Variants in SYT1 observed in about 807,000 individuals in gnomAD.
SYT1 encodes synaptotagmin-1.
A neutral mutation model predicts 44.8 loss-of-function variants in SYT1; 8 were observed. The observed-to-expected ratio is 0.18, with a 90% CI of 0.10 to 0.32. The LOEUF is 0.32. Ranked by LOEUF, SYT1 falls within the 10% of genes least tolerant of loss-of-function variation. The probability of loss-of-function intolerance (pLI) is 1.00; values close to 1 mark genes in which losing one functional copy is unlikely to be tolerated. For missense variants in SYT1, 286 were observed against 509.3 expected (o/e 0.56, Z 4.22); for synonymous variants, 154 against 188.8 (o/e 0.82, Z 1.51).
intron 9 of SYT1, among the ~76,000 whole-genome samples, chr12:79,405,526 G>A (rs1405495): frequency 0.14 from 20,775 of 152,084 alleles, 1,861 homozygotes; most frequent in Middle Eastern, 0.34. Flanking sequence ...TTATACTGAA[G>A]TTTGACAAAT....
At chr12:78,981,099 T>TTTG (rs1869219168) in intron 2 of SYT1, among the ~76,000 whole-genome samples, 2 of 151,844 alleles carry the variant, frequency 1.3e-5, no homozygotes, top group African/African-American at 4.8e-5. Context: ...TTTTGTGTTT[T>TTTG]TTGTTGTTGT....
intron 3 of SYT1, among the ~76,000 whole-genome samples, chr12:79,120,349 C>A (rs948900722): frequency 6.6e-6 from 1 of 152,054 alleles, no homozygotes; most frequent in Non-Finnish European, 1.5e-5. Flanking sequence ...GCACTAGGCT[C>A]ACTACCTAGG....
At chr12:79,345,490 G>A (rs58675399) in intron 8 of SYT1, among the ~76,000 whole-genome samples, 3,378 of 152,230 alleles carry the variant, frequency 0.022, 125 homozygotes, top group African/African-American at 0.072. Context: ...AATAAGAAAT[G>A]AACGAATATA....
chr12:78,886,772 T>A (rs779745303), intron 1 of SYT1, among the ~76,000 whole-genome samples: 1 of 152,020 alleles, frequency 6.6e-6, no homozygotes, highest in Non-Finnish European at 1.5e-5. Context: ...GAAAAGTGTA[T>A]GATAGTGCGT....
chr12:79,136,106 T>C (rs992357766), intron 3 of SYT1, among the ~76,000 whole-genome samples: 1 of 152,236 alleles, frequency 6.6e-6, no homozygotes, highest in Non-Finnish European at 1.5e-5. Flanking sequence ...GAATAAATCG[T>C]GGATTTTTAG....
intron 4 of SYT1, among the ~76,000 whole-genome samples, chr12:79,258,332 G>A (rs1201366819): frequency 6.6e-6 from 1 of 152,180 alleles, no homozygotes; most frequent in Non-Finnish European, 1.5e-5. Context: ...AGGAAAGAGA[G>A]TACCAATTAG....
intron 9 of SYT1, among the ~76,000 whole-genome samples, chr12:79,370,948 A>G (rs553628826): frequency 2.6e-5 from 4 of 152,104 alleles, no homozygotes; most frequent in Non-Finnish European, 5.9e-5. Flanking sequence ...ATGGAAGAGC[A>G]CATCTATTAA....
intron 2 of SYT1, among the ~76,000 whole-genome samples, chr12:78,992,792 G>A (rs1163503017): frequency 3.3e-5 from 5 of 152,158 alleles, no homozygotes. Context: ...GTTGCAGTAA[G>A]TAAGGTATCT....
At chr12:78,945,790 C>A (rs531304192) in intron 1 of SYT1, among the ~76,000 whole-genome samples, 4 of 152,026 alleles carry the variant, frequency 2.6e-5, no homozygotes, top group Non-Finnish European at 4.4e-5. Context: ...CCCGGTCCAC[C>A]CTTATTCAGT....
chr12:79,432,802 C>T (rs1233816591), intron 9 of SYT1, among the ~76,000 whole-genome samples: 1 of 152,074 alleles, frequency 6.6e-6, no homozygotes, highest in African/African-American at 2.4e-5. Flanking sequence ...TTAGTAGAGA[C>T]AGAGTTTCAC....
At position 79,210,449 on chromosome 12, in the gene SYT1, C is replaced by T. The variant is rs113555934; in HGVS notation, c.-17-7054C>T. Among the ~76,000 whole-genome samples, 224 of 152,286 alleles carry T rather than the reference C, an allele frequency of 1.5e-3. 3 individuals carry two copies. The Middle Eastern group carries it at 0.024, about 16-fold the overall frequency. ...AAAGTTTGTTGAATCATTCTTATGC[C>T]TTTACATCCTCATAGCTTAGCTCCC... On this transcript the variant is annotated intron_variant, in intron 3 of 10. Transcript: ENST00000261205.
intron 2 of SYT1, among the ~76,000 whole-genome samples, chr12:79,044,603 C>T (rs367690271): frequency 7.4e-5 from 11 of 148,106 alleles, no homozygotes; most frequent in Admixed American, 1.4e-4. Flanking sequence ...GTAATTTGAT[C>T]GTCTGAAGCC....
At chr12:79,106,977 G>A (rs1315015831) in intron 3 of SYT1, among the ~76,000 whole-genome samples, 1 of 151,896 alleles carries the variant, frequency 6.6e-6, no homozygotes, top group African/African-American at 2.4e-5. Flanking sequence ...GCATTGTGTA[G>A]ACCAGAATTC....
chr12:78,865,788 A>C (rs766973059), intron 1 of SYT1, among the ~76,000 whole-genome samples: 1 of 152,010 alleles, frequency 6.6e-6, no homozygotes, highest in Admixed American at 6.6e-5. Context: ...CCCACTTTCA[A>C]CTGCTTAATT....
At chr12:79,157,596 C>G (rs572842455) in intron 3 of SYT1, among the ~76,000 whole-genome samples, 1 of 152,118 alleles carries the variant, frequency 6.6e-6, no homozygotes, top group African/African-American at 2.4e-5. Flanking sequence ...TACTGTTCAT[C>G]TAATAAATAC....
chr12:79,423,168 ATGTG>A (rs916479379), intron 9 of SYT1, among the ~76,000 whole-genome samples: 1 of 152,058 alleles, frequency 6.6e-6, no homozygotes, highest in African/African-American at 2.4e-5. Flanking sequence ...CCAGCATTGT[ATGTG>A]TGTGTGTCTG....
chr12:78,949,889 AC>A (rs892411482), intron 1 of SYT1, among the ~76,000 whole-genome samples: 1 of 152,036 alleles, frequency 6.6e-6, no homozygotes, highest in Admixed American at 6.6e-5. Context: ...AACTATGAAA[AC>A]CTTTAAGATA....
intron 2 of SYT1, among the ~76,000 whole-genome samples, chr12:78,999,227 T>G (rs1056160909): frequency 6.6e-6 from 1 of 152,188 alleles, no homozygotes; most frequent in African/African-American, 2.4e-5. Context: ...TTGGCTGTGG[T>G]CCTAAGTGTT....
intron 1 of SYT1, among the ~76,000 whole-genome samples, chr12:78,943,282 G>A (rs559377359): frequency 3.3e-5 from 5 of 152,186 alleles, no homozygotes; most frequent in African/African-American, 1.2e-4. Context: ...AATTTAATAG[G>A]TTCATGGGCC....
Sources: allele counts gnomAD v4.1 joint callset (sites outside exome capture counted in the v4.1 genomes callset), GRCh38; gene constraint gnomAD v4.1.1; transcripts MANE v1.5; gene names NCBI Gene and HGNC (gene_info 2026-07-23, HGNC 2026-07-21).